The following TSHZ2 variants were observed in gnomAD, a reference collection of about 807,000 sequenced individuals.
TSHZ2 encodes teashirt homolog 2.
In TSHZ2, 21 loss-of-function variants were observed where a neutral mutation model predicts 74.4. The observed-to-expected ratio is 0.28, with a 90% confidence interval of 0.20 to 0.41. The LOEUF (loss-of-function observed/expected upper bound fraction) is 0.41, where lower values mean the gene tolerates loss of function less well. TSHZ2 is among the 10% of genes least tolerant of loss of function. The pLI is 1.00. For missense variants in TSHZ2, 1,244 were observed against 1,293.5 expected (o/e 0.96, Z 0.59); for synonymous variants, 540 against 515.3 (o/e 1.05, Z -0.65).
chr20:53,384,341 T>C lies in TSHZ2; in HGVS notation c.*9-102803T>C, dbSNP rs141271854. Among the ~76,000 whole-genome samples, 7 of 152,336 alleles carry C rather than the reference T, an allele frequency of 4.6e-5. No individual in the cohort carries two copies. In the East Asian group the frequency reaches 1.3e-3, roughly 29 times the overall value. On this transcript the variant is annotated intron_variant, in intron 2 of 2. Coordinates refer to ENST00000371497, the MANE Select transcript of TSHZ2 (RefSeq NM_173485.6). ...AAACTCCAAAACTGCAGCCCCAAATTGCTTCATGAACGAAGCCATTCACTT... is the reference window on the plus strand; with the variant it reads ...AAACTCCAAAACTGCAGCCCCAAATCGCTTCATGAACGAAGCCATTCACTT...
intron 1 of TSHZ2, among the ~76,000 whole-genome samples, chr20:53,237,469 A>T (rs1054020520): frequency 6.6e-6 from 1 of 150,986 alleles, no homozygotes; most frequent in African/African-American, 2.5e-5. Flanking sequence ...GACCATACAT[A>T]TATGCCCTGC....
At chr20:53,319,161 G>A (rs1487514031) in intron 2 of TSHZ2, among the ~76,000 whole-genome samples, 1 of 152,174 alleles carries the variant, frequency 6.6e-6, no homozygotes, top group Non-Finnish European at 1.5e-5. Flanking sequence ...CATATCATAT[G>A]CATTCACTCA....
chr20:53,241,178 C>G (rs908557469), intron 1 of TSHZ2, among the ~76,000 whole-genome samples: 4 of 152,162 alleles, frequency 2.6e-5, no homozygotes, highest in Non-Finnish European at 5.9e-5. Flanking sequence ...TCAAAAAACC[C>G]TGGAGAGTTT....
At chr20:53,480,384 G>A (rs943719741) in intron 2 of TSHZ2, among the ~76,000 whole-genome samples, 1 of 151,512 alleles carries the variant, frequency 6.6e-6, no homozygotes, top group African/African-American at 2.4e-5. Context: ...AGGTGTTTTT[G>A]TAGAGACTCC....
At chr20:53,102,880 T>A (rs537263240) in intron 1 of TSHZ2, among the ~76,000 whole-genome samples, 29 of 148,636 alleles carry the variant, frequency 2.0e-4, no homozygotes, top group East Asian at 7.7e-4. Flanking sequence ...CTTTTTTTTT[T>A]TTATTATACT....
chr20:53,311,655 C>A (rs1258039122), intron 2 of TSHZ2, among the ~76,000 whole-genome samples: 1 of 152,222 alleles, frequency 6.6e-6, no homozygotes, highest in African/African-American at 2.4e-5. Flanking sequence ...AACTTGGCCA[C>A]ATGTGTCCTG....
chr20:53,265,629 G>A (rs1217245721), intron 2 of TSHZ2, among the ~76,000 whole-genome samples: 1 of 152,182 alleles, frequency 6.6e-6, no homozygotes, highest in Non-Finnish European at 1.5e-5. Flanking sequence ...GAAGCCCCAC[G>A]CCTTGATTAT....
chr20:53,118,581 T>C (rs1986730552), intron 1 of TSHZ2, among the ~76,000 whole-genome samples: 2 of 151,854 alleles, frequency 1.3e-5, no homozygotes, highest in Admixed American at 1.3e-4. Flanking sequence ...TCATTTGAGG[T>C]AAGGGGGTTG....
chr20:53,367,772 C>T (rs1158040679), intron 2 of TSHZ2, among the ~76,000 whole-genome samples: 1 of 151,994 alleles, frequency 6.6e-6, no homozygotes, highest in African/African-American at 2.4e-5. Flanking sequence ...GGGGTTTCAT[C>T]GTGTTAGCCA....
chr20:53,295,879 C>A (rs35915929), intron 2 of TSHZ2, among the ~76,000 whole-genome samples: 19,588 of 152,006 alleles, frequency 0.13, 1,319 homozygotes, highest in Middle Eastern at 0.23. Flanking sequence ...AAACAGCCAT[C>A]TTTCACTTTA....
chr20:53,001,222 G>GTGTGTGTGTGTGTA (rs1555813596), intron 1 of TSHZ2, among the ~76,000 whole-genome samples: 2 of 147,268 alleles, frequency 1.4e-5, no homozygotes, highest in Non-Finnish European at 3.0e-5. Flanking sequence ...GTGTGTGTGT[G>GTGTGTGTGTGTGTA]TGTGTGTGTG....
chr20:53,209,111 C>T (rs963206014), intron 1 of TSHZ2, among the ~76,000 whole-genome samples: 18 of 150,646 alleles, frequency 1.2e-4, no homozygotes, highest in Middle Eastern at 3.4e-3. Flanking sequence ...TTTTTTTTTT[C>T]GGAGATGGAG....
intron 1 of TSHZ2, among the ~76,000 whole-genome samples, chr20:53,026,362 T>G (rs1222970586): frequency 2.0e-5 from 3 of 151,888 alleles, no homozygotes; most frequent in Non-Finnish European, 4.4e-5. Flanking sequence ...CTTTTTTTTT[T>G]TTTTCTCTGA....
intron 1 of TSHZ2, among the ~76,000 whole-genome samples, chr20:53,038,900 G>GTTTTTTTTTTT (rs748995371): frequency 3.5e-5 from 5 of 143,526 alleles, no homozygotes; most frequent in African/African-American, 1.4e-4. Flanking sequence ...TTGTTTGTTT[G>GTTTTTTTTTTT]TTTGTTTGTT....
intron 1 of TSHZ2, among the ~76,000 whole-genome samples, chr20:53,207,557 CCA>C (rs1279485591): frequency 6.6e-6 from 1 of 152,128 alleles, no homozygotes; most frequent in Non-Finnish European, 1.5e-5. Flanking sequence ...CTATCTGACC[CCA>C]GTTTTGTCCA....
chr20:53,252,430 G>T (rs370303068), intron 1 of TSHZ2, among the ~76,000 whole-genome samples: 1 of 152,258 alleles, frequency 6.6e-6, no homozygotes, highest in East Asian at 1.9e-4. Flanking sequence ...CTTTTCTTTG[G>T]GACTTCTTTG....
At chr20:53,180,279 C>T (rs1355254821) in intron 1 of TSHZ2, among the ~76,000 whole-genome samples, 1 of 152,172 alleles carries the variant, frequency 6.6e-6, no homozygotes, top group Non-Finnish European at 1.5e-5. Flanking sequence ...TACATTTTTG[C>T]ATTTGGGTAG....
intron 1 of TSHZ2, among the ~76,000 whole-genome samples, chr20:53,167,016 A>T (rs967857790): frequency 2.0e-5 from 3 of 152,212 alleles, no homozygotes; most frequent in Admixed American, 1.3e-4. Context: ...ATAGGCTGTG[A>T]CCAGAAGGCT....
chr20:53,382,656 T>TC (rs972252858), intron 2 of TSHZ2, among the ~76,000 whole-genome samples: 4 of 151,888 alleles, frequency 2.6e-5, no homozygotes, highest in Admixed American at 6.6e-5. Context: ...ACTCCATGGC[T>TC]CCCCCCGGGC....
Sources: allele counts gnomAD v4.1 joint callset (sites outside exome capture counted in the v4.1 genomes callset), GRCh38; gene constraint gnomAD v4.1.1; transcripts MANE v1.5; gene names NCBI Gene and HGNC (gene_info 2026-07-23, HGNC 2026-07-21).